The following USH2A variants were observed in gnomAD, a reference collection of about 807,000 sequenced individuals.
USH2A encodes the protein Usher syndrome 2A (autosomal recessive, mild).
Under a neutral mutation model 538.9 loss-of-function variants are expected in USH2A, and 443 were observed. That is an observed-to-expected ratio of 0.82 (90% confidence interval 0.76 to 0.89). The LOEUF (loss-of-function observed/expected upper bound fraction) is 0.89, where lower values mean the gene tolerates loss of function less well. USH2A is among the 40% of genes least tolerant of loss of function. The pLI, the probability that USH2A is intolerant of heterozygous loss-of-function variation, is 0.00. For missense variants in USH2A, 6,633 were observed against 6,324.8 expected, an observed-to-expected ratio of 1.05 and a Z score of -1.65; for synonymous variants, 2,413 against 2,273.5, an observed-to-expected ratio of 1.06 and a Z score of -1.75.
intron 11 of USH2A, among the ~76,000 whole-genome samples, chr1:216,269,194 G>T (rs73098664): frequency 0.025 from 3,771 of 152,076 alleles, 145 homozygotes; most frequent in African/African-American, 0.084. Flanking sequence ...TATGTGTTGT[G>T]GGGGGAGACC....
chr1:215,912,495 A>G lies in USH2A; in HGVS notation c.7301-11590T>C, dbSNP rs188940874. Among the ~76,000 whole-genome samples the G allele has an allele frequency of 7.2e-3, 157 of 21,820 alleles. 1 individual carries two copies. Among genetic ancestry groups the G allele is most frequent in the African/African-American group, 0.018 (114 of 6,508 alleles). 14.3% of individuals were successfully genotyped at this position (21,820 alleles called of 152,430 possible). On this transcript the variant is annotated intron_variant, in intron 38 of 71. Coordinates refer to ENST00000307340, the MANE Select transcript of USH2A (RefSeq NM_206933.4). Reference sequence around the variant, plus strand: ...TATATACGTATATATATATATGTGTATATATATATATATATACGTGTATAT... The same window carrying G: ...TATATACGTATATATATATATGTGTGTATATATATATATATACGTGTATAT...
At chr1:216,222,503 T>C (rs1487438231) in intron 14 of USH2A, among the ~76,000 whole-genome samples, 1 of 152,152 alleles carries the variant, frequency 6.6e-6, no homozygotes, top group Non-Finnish European at 1.5e-5. Context: ...TTTGCAGATG[T>C]GGTTAAGGAT....
chr1:215,635,754 C>T lies in USH2A; in HGVS notation c.15053-1051G>A, dbSNP rs1571920216. ...TATTTTTAGTAGAGATGGGGTTTCA[C>T]CATGTTGGCCAGGATGGTCTCAATC... On this transcript the variant is annotated intron_variant, in intron 69 of 71. Coordinates refer to ENST00000307340, the MANE Select transcript of USH2A (RefSeq NM_206933.4). Among the ~76,000 whole-genome samples the T allele has an allele frequency of 2.0e-5, 3 of 152,032 alleles. No individual in the cohort carries two copies. The East Asian group carries it at 5.8e-4, about 29-fold the overall frequency.
intron 65 of USH2A, among the ~76,000 whole-genome samples, chr1:215,649,219 A>C (rs1182966782): frequency 1.3e-5 from 2 of 152,086 alleles, no homozygotes; most frequent in Non-Finnish European, 2.9e-5. Flanking sequence ...TCAGTCAAAA[A>C]ATCTTTTCAG....
At chr1:216,179,923 A>G (rs962136964) in intron 20 of USH2A, among the ~76,000 whole-genome samples, 2 of 152,118 alleles carry the variant, frequency 1.3e-5, no homozygotes, top group South Asian at 4.1e-4. Context: ...ACTTTTAAAA[A>G]TTATATTTCA....
At chr1:215,754,529 T>C (rs968048237) in intron 58 of USH2A, among the ~76,000 whole-genome samples, 11 of 152,088 alleles carry the variant, frequency 7.2e-5, no homozygotes, top group African/African-American at 2.7e-4. Context: ...AATGCATATT[T>C]AAAAAAACAA....
chr1:215,665,345 A>G (rs1461877760), intron 64 of USH2A, among the ~76,000 whole-genome samples: 1 of 152,228 alleles, frequency 6.6e-6, no homozygotes, highest in Non-Finnish European at 1.5e-5. Flanking sequence ...TCAGTCACCC[A>G]GTCATGAGGC....
At chr1:215,959,946 C>T (rs1419997123) in intron 37 of USH2A, among the ~76,000 whole-genome samples, 1 of 152,036 alleles carries the variant, frequency 6.6e-6, no homozygotes, top group African/African-American at 2.4e-5. Context: ...TTAAACAATT[C>T]GCAGAGGACT....
chr1:216,393,484 G>A (rs183360017), intron 3 of USH2A, among the ~76,000 whole-genome samples: 233 of 152,116 alleles, frequency 1.5e-3, no homozygotes, highest in Non-Finnish European at 5.4e-4. Flanking sequence ...GTTGTTCCAG[G>A]TGATTTAGAT....
chr1:215,812,131 C>T (rs1477068366), intron 49 of USH2A, among the ~76,000 whole-genome samples: 1 of 150,556 alleles, frequency 6.6e-6, no homozygotes, highest in African/African-American at 2.4e-5. Flanking sequence ...ATTACAGGAG[C>T]CTGCCACACG....
At chr1:215,726,310 A>G (rs2820717) in intron 61 of USH2A, among the ~76,000 whole-genome samples, 136,051 of 152,178 alleles carry the variant, frequency 0.89, 61,490 homozygotes, top group Non-Finnish European at 0.98. Context: ...ACTAGAAGAC[A>G]TAATATAAAA....
chr1:216,231,847 C>A (rs1479019649), intron 14 of USH2A, 106 bp downstream of exon 14: 5 of 1,417,520 alleles, frequency 3.5e-6, no homozygotes, highest in Non-Finnish European at 4.0e-6. Context: ...GCCACCAAGC[C>A]GGGCAAAAAA....
chr1:215,950,035 C>T (rs1381491400), intron 37 of USH2A, among the ~76,000 whole-genome samples: 1 of 152,146 alleles, frequency 6.6e-6, no homozygotes, highest in African/African-American at 2.4e-5. Flanking sequence ...TAACTACAGA[C>T]AGATGAACAC....
At chr1:215,667,525 C>T (rs1390878715) in intron 64 of USH2A, among the ~76,000 whole-genome samples, 2 of 151,870 alleles carry the variant, frequency 1.3e-5, no homozygotes, top group Non-Finnish European at 1.5e-5. Flanking sequence ...GATGAAACCC[C>T]GTCTCTACTA....
At chr1:215,665,886 G>A (rs147368846) in intron 64 of USH2A, among the ~76,000 whole-genome samples, 8 of 152,310 alleles carry the variant, frequency 5.3e-5, no homozygotes, top group African/African-American at 1.4e-4. Context: ...CAGATGCATC[G>A]CATTTATGCA....
intron 55 of USH2A, among the ~76,000 whole-genome samples, chr1:215,767,510 T>C (rs905638334): frequency 6.6e-6 from 1 of 152,200 alleles, no homozygotes; most frequent in Non-Finnish European, 1.5e-5. Flanking sequence ...ACACATAGAT[T>C]AAAGCTAATT....
Position 216,394,908 on chromosome 1 carries a change from C to T in USH2A, c.651+23606G>A, listed in dbSNP as rs568724286. 1.1e-4 allele frequency among the ~76,000 whole-genome samples: 16 copies of T among 151,484 alleles called. No individual in the cohort carries two copies. In the South Asian group the frequency reaches 1.5e-3, roughly 14 times the overall value. On this transcript the variant is annotated intron_variant, in intron 3 of 71. Coordinates refer to ENST00000307340, the MANE Select transcript of USH2A (RefSeq NM_206933.4). Reference sequence around the variant, plus strand: ...TAATTTTTTGTATTTTTAGTAGAGACGGGTTTTCACCGTGTTAGCCAGGAT... The same window carrying T: ...TAATTTTTTGTATTTTTAGTAGAGATGGGTTTTCACCGTGTTAGCCAGGAT...
At chr1:216,351,292 G>T (rs2038283293) in intron 4 of USH2A, among the ~76,000 whole-genome samples, 1 of 152,154 alleles carries the variant, frequency 6.6e-6, no homozygotes, top group Non-Finnish European at 1.5e-5. Context: ...GGGAGGTGGT[G>T]TTTGCAGATG....
intron 4 of USH2A, among the ~76,000 whole-genome samples, chr1:216,355,725 G>T (rs1466608364): frequency 6.6e-6 from 1 of 151,942 alleles, no homozygotes; most frequent in East Asian, 1.9e-4. Context: ...ATTTTGTGGG[G>T]TTTACATAGA....
Sources: allele counts gnomAD v4.1 joint callset (sites outside exome capture counted in the v4.1 genomes callset), GRCh38; gene constraint gnomAD v4.1.1; transcripts MANE v1.5; gene names NCBI Gene and HGNC (gene_info 2026-07-23, HGNC 2026-07-21).